Variants in FGF14 observed in about 807,000 individuals in gnomAD.
The protein encoded by FGF14 is fibroblast growth factor 14, also known as fibroblast growth factor homologous factor 4.
A neutral mutation model predicts 25.5 loss-of-function variants in FGF14; 5 were observed. That is an observed-to-expected ratio of 0.20 (90% CI 0.10 to 0.41). The LOEUF is 0.41. FGF14 is among the 10% of genes least tolerant of loss of function. The pLI is 1.00. For synonymous variants in FGF14, 138 were observed against 118.3 expected, an observed-to-expected ratio of 1.17 and a Z score of -1.08; for missense variants, 222 against 320.1, an observed-to-expected ratio of 0.69 and a Z score of 2.34.
intron 1 of FGF14, among the ~76,000 whole-genome samples, chr13:102,289,713 T>G (rs2054282492): frequency 6.6e-6 from 1 of 152,214 alleles, no homozygotes; most frequent in Non-Finnish European, 1.5e-5. Context: ...AAGAAGAGAT[T>G]CTGTGTCATA....
chr13:102,021,080 G>A (rs976225850), intron 1 of FGF14, among the ~76,000 whole-genome samples: 4 of 152,044 alleles, frequency 2.6e-5, no homozygotes, highest in Middle Eastern at 6.8e-3. Flanking sequence ...GGGTGTATGT[G>A]CCTTAAGTGG....
chr13:101,808,909 T>C (rs1250080537), intron 3 of FGF14, among the ~76,000 whole-genome samples: 1 of 152,172 alleles, frequency 6.6e-6, no homozygotes, highest in East Asian at 1.9e-4. Flanking sequence ...CAACTTCCTA[T>C]ATCATGTGGG....
chr13:102,133,503 G>A (rs988865351), intron 1 of FGF14, among the ~76,000 whole-genome samples: 6 of 152,064 alleles, frequency 3.9e-5, no homozygotes, highest in African/African-American at 1.2e-4. Context: ...TAAATATATG[G>A]TAAAGATTTC....
intron 1 of FGF14, among the ~76,000 whole-genome samples, chr13:101,922,301 G>A (rs2034059154): frequency 6.6e-6 from 1 of 152,084 alleles, no homozygotes; most frequent in African/African-American, 2.4e-5. Context: ...TTCATAAATA[G>A]GATACACCGA....
intron 1 of FGF14, among the ~76,000 whole-genome samples, chr13:102,215,059 A>T (rs533005427): frequency 5.3e-5 from 8 of 150,272 alleles, no homozygotes; most frequent in African/African-American, 2.0e-4. Context: ...GCTGTGAAGG[A>T]GAAACATATC....
intron 1 of FGF14, among the ~76,000 whole-genome samples, chr13:102,310,155 T>C (rs538668943): frequency 5.9e-5 from 9 of 152,144 alleles, no homozygotes; most frequent in Non-Finnish European, 8.8e-5. Flanking sequence ...TGGCTTTGAA[T>C]TGGGAAAACT....
upstream of FGF14, among the ~76,000 whole-genome samples, chr13:101,920,340 C>T (rs1220981021): frequency 6.6e-6 from 1 of 152,200 alleles, no homozygotes; most frequent in Non-Finnish European, 1.5e-5. Context: ...GGAGCCTGAA[C>T]TCTCATTTCA....
chr13:102,169,214 G>A (rs1176775577), intron 1 of FGF14, among the ~76,000 whole-genome samples: 1 of 151,582 alleles, frequency 6.6e-6, no homozygotes, highest in African/African-American at 2.4e-5. Flanking sequence ...AGCCTCACCT[G>A]TGGAGCCCTT....
intron 3 of FGF14, among the ~76,000 whole-genome samples, chr13:101,830,858 G>C (rs2042636634): frequency 6.6e-6 from 1 of 152,014 alleles, no homozygotes; most frequent in South Asian, 2.1e-4. Context: ...TCCAGCTCTA[G>C]AGGCTGCCTG....
At chr13:102,329,793 G>C (rs771158436) in intron 1 of FGF14, among the ~76,000 whole-genome samples, 22 of 151,932 alleles carry the variant, frequency 1.4e-4, no homozygotes, top group Non-Finnish European at 2.2e-4. Context: ...ACCCTACCAT[G>C]TTGTACAATC....
intron 3 of FGF14, among the ~76,000 whole-genome samples, chr13:101,784,515 G>T (rs1040283390): frequency 6.6e-6 from 1 of 151,960 alleles, no homozygotes; most frequent in African/African-American, 2.4e-5. Context: ...TGTGCTCCAG[G>T]GAGCAAATTT....
In FGF14 at chr13:102,127,450, A is replaced by C. The variant is rs546383201; in HGVS notation, c.209-252154T>G. On this transcript the variant is annotated intron_variant, in intron 1 of 4. Transcript: ENST00000376131. ...CACTAAGTTGTAACGCAAGGCTTCA[A>C]CTCTCAGTGCACCCAAAGTCAAAGC... 8.6e-4 allele frequency among the ~76,000 whole-genome samples: 131 copies of C among 152,174 alleles called. 1 individual carries two copies. Among genetic ancestry groups the C allele is most frequent in the Non-Finnish European group, 1.5e-3 (102 of 67,994 alleles).
chr13:101,762,898 T>C (rs1393773941), intron 3 of FGF14, among the ~76,000 whole-genome samples: 1 of 152,184 alleles, frequency 6.6e-6, no homozygotes, highest in Non-Finnish European at 1.5e-5. Flanking sequence ...TGCTAGTCAG[T>C]AGGTTGTATT....
chr13:102,027,210 CACACACACATACACACAG>C, intron 1 of FGF14, among the ~76,000 whole-genome samples: 1 of 151,730 alleles, frequency 6.6e-6, no homozygotes, highest in East Asian at 1.9e-4. Flanking sequence ...AAAAGAAACA[CACACACACATACACACAG>C]ACACACACAT....
chr13:101,926,755 T>TC (rs1405721384), intron 1 of FGF14, among the ~76,000 whole-genome samples: 1 of 152,208 alleles, frequency 6.6e-6, no homozygotes, highest in African/African-American at 2.4e-5. Context: ...ATTCTGCAAG[T>TC]CTTTTTTCCC....
chr13:102,327,381 G>C (rs577436430), intron 1 of FGF14, among the ~76,000 whole-genome samples: 5 of 152,196 alleles, frequency 3.3e-5, no homozygotes, highest in Non-Finnish European at 7.3e-5. Context: ...TCTCGCATAA[G>C]CTTACACCAA....
At chr13:102,339,209 CCTA>C (rs1330034280) in intron 1 of FGF14, among the ~76,000 whole-genome samples, 2 of 151,486 alleles carry the variant, frequency 1.3e-5, no homozygotes, top group Non-Finnish European at 2.9e-5. Context: ...AATATATATA[CCTA>C]CTATTTAAAC....
At chr13:101,923,341 T>C (rs2034139949) in intron 1 of FGF14, among the ~76,000 whole-genome samples, 2 of 152,226 alleles carry the variant, frequency 1.3e-5, no homozygotes, top group South Asian at 4.1e-4. Flanking sequence ...TGAGCTTCAG[T>C]GGAATTAAAG....
At chr13:102,154,857 G>A (rs567314570) in intron 1 of FGF14, among the ~76,000 whole-genome samples, 8 of 152,002 alleles carry the variant, frequency 5.3e-5, no homozygotes, top group Non-Finnish European at 1.0e-4. Flanking sequence ...GGCAGGGGTT[G>A]CAATCCTAGT....
Sources: allele counts gnomAD v4.1 joint callset (sites outside exome capture counted in the v4.1 genomes callset), GRCh38; gene constraint gnomAD v4.1.1; transcripts MANE v1.5; gene names NCBI Gene and HGNC (gene_info 2026-07-23, HGNC 2026-07-21).